LIMCH1: variants seen among roughly 807,000 people sequenced by gnomAD.
LIMCH1 encodes LIM and calponin homology domains 1, also known as LIM and calponin homology domains-containing protein 1.
LIMCH1 carries 113 observed loss-of-function variants against 176.5 expected under a neutral mutation model. The ratio of observed to expected loss-of-function variants is 0.64; its 90% confidence interval spans 0.55 to 0.75. The LOEUF is 0.75. LIMCH1 is among the 30% of genes least tolerant of loss of function. The pLI is 0.00. For synonymous variants in LIMCH1, 619 were observed against 645.9 expected (o/e 0.96, Z 0.63); for missense variants, 1,674 against 1,814.9 (o/e 0.92, Z 1.41).
intron 30 of LIMCH1, among the ~76,000 whole-genome samples, chr4:41,690,383 T>A (rs1586037451): frequency 6.6e-6 from 1 of 152,174 alleles, no homozygotes; most frequent in Non-Finnish European, 1.5e-5. Flanking sequence ...TAGTCCCAGA[T>A]CTCTTGGTAA....
rs1389415255 is a variant in LIMCH1 at position 41,426,021 on chromosome 4, T to TC, written c.96+65085_96+65086insC. ...ATCTGAGAGAGTGAAAAGATTCTTT[T>TC]TTTTTTTTTTTTTTTTTTGAGACGG... On this transcript the variant is annotated intron_variant, in intron 1 of 26. Transcript: ENST00000313860. Among the ~76,000 whole-genome samples the TC allele has an allele frequency of 3.8e-4, 54 of 143,498 alleles. 1 individual carries two copies. Among genetic ancestry groups the TC allele is most frequent in the Admixed American group, 3.7e-3 (54 of 14,546 alleles). 94.1% of individuals were successfully genotyped at this position (143,498 alleles called of 152,430 possible). A position where few individuals can be genotyped will look rare whatever the true frequency, so the allele number is the denominator to read the frequency against.
chr4:41,587,742 A>G lies in LIMCH1; in HGVS notation c.-240-11178A>G, dbSNP rs1022241731. Among the ~76,000 whole-genome samples the G allele has an allele frequency of 4.6e-5, 7 of 152,158 alleles. No individual in the cohort carries two copies. In the East Asian group the frequency reaches 7.7e-4, roughly 17 times the overall value. ...CCCCTTCCTGCTCAAAACACTTAAC[A>G]TACTACCTTTCAAACAGCAAGTATG... On this transcript the variant is annotated intron_variant, in intron 1 of 31. Coordinates refer to ENST00000503057, the MANE Select transcript of LIMCH1 (RefSeq NM_001330672.2).
At chr4:41,543,876 C>T (rs752153285) in intron 1 of LIMCH1, among the ~76,000 whole-genome samples, 76 of 152,108 alleles carry the variant, frequency 5.0e-4, no homozygotes, top group Non-Finnish European at 9.0e-4. Context: ...CCCTGTTGCT[C>T]CACAGACCCT....
chr4:41,499,456 G>T (rs1467851802), intron 2 of LIMCH1, among the ~76,000 whole-genome samples: 3 of 152,158 alleles, frequency 2.0e-5, no homozygotes, highest in Non-Finnish European at 2.9e-5. Context: ...ATATAGTAAC[G>T]TTTAAAGCAT....
intron 31 of LIMCH1, among the ~76,000 whole-genome samples, chr4:41,693,946 T>C (rs189558504): frequency 6.6e-6 from 1 of 152,292 alleles, no homozygotes; most frequent in Admixed American, 6.5e-5. Flanking sequence ...CCTCTTTTCA[T>C]CTAGATTTTT....
At chr4:41,555,260 A>T (rs757632714) in intron 1 of LIMCH1, among the ~76,000 whole-genome samples, 14 of 152,234 alleles carry the variant, frequency 9.2e-5, no homozygotes, top group African/African-American at 3.4e-4. Context: ...AAGTTCAAAC[A>T]TCTTTCCCCT....
chr4:41,528,681 G>A (rs190061145), intron 3 of LIMCH1, among the ~76,000 whole-genome samples: 1 of 152,182 alleles, frequency 6.6e-6, no homozygotes, highest in Non-Finnish European at 1.5e-5. Context: ...TGTGGCCAGA[G>A]GGTTTTCTAT....
chr4:41,360,765 G>T, upstream of LIMCH1: 2 of 1,143,770 alleles, frequency 1.7e-6, no homozygotes, highest in Non-Finnish European at 1.2e-6. The surrounding 1 kb of genome is among the most constrained non-coding windows in gnomAD (Gnocchi z 4.5). Flanking sequence ...GGGAAGGGGC[G>T]GGGAGCGCGC....
chr4:41,471,519 G>A (rs1479023581), intron 1 of LIMCH1, among the ~76,000 whole-genome samples: 3 of 152,190 alleles, frequency 2.0e-5, no homozygotes, highest in East Asian at 1.9e-4. Flanking sequence ...CCATGGCACC[G>A]ATGAGGCTCT....
At chr4:41,562,445 T>C (rs533254311) in intron 1 of LIMCH1, among the ~76,000 whole-genome samples, 1 of 152,278 alleles carries the variant, frequency 6.6e-6, no homozygotes, top group South Asian at 2.1e-4. Flanking sequence ...AAAGTGTCAA[T>C]AAGTATTGGT....
chr4:41,428,599 T>C (rs2061327953), intron 1 of LIMCH1, among the ~76,000 whole-genome samples: 1 of 152,224 alleles, frequency 6.6e-6, no homozygotes, highest in Non-Finnish European at 1.5e-5. Context: ...AATGTGGCTT[T>C]AAGCAAGCCA....
At chr4:41,676,489 G>T in intron 23 of LIMCH1, 27 bp downstream of exon 23, 1 of 1,575,756 alleles carries the variant, frequency 6.3e-7, no homozygotes, top group Non-Finnish European at 8.7e-7. Flanking sequence ...TGCTTTTTTT[G>T]TTTTTCCTTT....
chr4:41,460,458 C>CTTTATATTTTTATATATA (rs372751468), intron 1 of LIMCH1, among the ~76,000 whole-genome samples: 1,221 of 110,532 alleles, frequency 0.011, 65 homozygotes, highest in African/African-American at 0.046. Context: ...TAGTAATCAT[C>CTTTATATTTTTATATATA]TATATATATA....
chr4:41,661,987 G>A (rs1182606330), intron 19 of LIMCH1: 5 of 330,756 alleles, frequency 1.5e-5, no homozygotes, highest in Admixed American at 4.4e-5. Context: ...AGAAGACCCT[G>A]TTCCCGAAAG....
intron 1 of LIMCH1, among the ~76,000 whole-genome samples, chr4:41,419,180 TTAATTTTA>T (rs879527220): frequency 0.012 from 986 of 82,552 alleles, 10 homozygotes; most frequent in East Asian, 0.051. Flanking sequence ...TTTATTTTAT[TTAATTTTA>T]TTATTTTGAG....
At chr4:41,580,533 A>G (rs2085243534) in intron 1 of LIMCH1, among the ~76,000 whole-genome samples, 1 of 152,190 alleles carries the variant, frequency 6.6e-6, no homozygotes. Context: ...TTTTATTATC[A>G]AAACTTCTAA....
chr4:41,587,456 C>T (rs4496616), intron 1 of LIMCH1, among the ~76,000 whole-genome samples: 53,029 of 151,960 alleles, frequency 0.35, 14,812 homozygotes, highest in African/African-American at 0.78. Context: ...TGCCAGCCTT[C>T]AATAATGAAA....
intron 1 of LIMCH1, among the ~76,000 whole-genome samples, chr4:41,447,256 C>T (rs540579242): frequency 6.6e-6 from 1 of 152,084 alleles, no homozygotes; most frequent in Non-Finnish European, 1.5e-5. Context: ...AACAGCGCTC[C>T]CAAAACCCAA....
At chr4:41,485,562 G>GA in intron 1 of LIMCH1, among the ~76,000 whole-genome samples, 1 of 152,288 alleles carries the variant, frequency 6.6e-6, no homozygotes, top group Non-Finnish European at 1.5e-5. Flanking sequence ...CCCTTTAATG[G>GA]AGATATATAT....
Sources: gnomAD v4.1 joint callset for allele counts (sites outside exome capture counted in the v4.1 genomes callset) on GRCh38, gnomAD v4.1.1 for gene constraint, Gnocchi (gnomAD v3.1) non-coding constraint, MANE v1.5 for transcripts, NCBI Gene and HGNC (gene_info 2026-07-23, HGNC 2026-07-21) for gene names.